LCOR: variants seen among roughly 807,000 people sequenced by gnomAD.
LCOR encodes ligand dependent nuclear receptor corepressor, also known as ligand-dependent corepressor.
A neutral mutation model predicts 64.4 loss-of-function variants in LCOR; 14 were observed. The observed-to-expected ratio is 0.22, with a 90% CI of 0.14 to 0.34. The LOEUF (loss-of-function observed/expected upper bound fraction) is 0.34, where lower values mean the gene tolerates loss of function less well. Among genes scored for constraint, LCOR ranks in the 10% least tolerant of loss-of-function variants. The pLI is 1.00. For missense variants in LCOR, 1,686 were observed against 1,765.3 expected (o/e 0.96, Z 0.80); for synonymous variants, 643 against 642.5 (o/e 1.00, Z -0.01).
At chr10:96,967,395 G>C (rs1425514355) in intron 7 of LCOR, among the ~76,000 whole-genome samples, 5 of 152,206 alleles carry the variant, frequency 3.3e-5, no homozygotes, top group African/African-American at 1.2e-4. Context: ...GCCTCCCAAA[G>C]TGCTGGGATT....
chr10:96,833,108 C>T (rs2134352813), intron 1 of LCOR: 3 of 985,630 alleles, frequency 3.0e-6, no homozygotes, highest in East Asian at 1.1e-4. Context: ...TAATCCTCGA[C>T]GCACGGGTCG....
rs868027615 is a variant in LCOR, at chr10:96,984,752, C to G, written c.4292C>G (p.Thr1431Ser). ...AAGCATGCTGATGGAGCCACCAAAA[C>G]CCCTGCTGCCAAGAGGCCAGCTGCA... ...KEKHADGATKTPAAKRPAARD... is the reference protein window; with the variant it reads ...KEKHADGATKSPAAKRPAARD... The change falls in exon 8 of 8, where the codon ACC becomes AGC. Residue 1431 changes from threonine (T) to serine (S), a missense_variant. Thr to Ser is a moderately conservative substitution (Grantham distance 58, BLOSUM62 1). Transcript: ENST00000421806. The G allele has an allele frequency of 6.2e-7, 1 of 1,613,720 alleles. No individual in the cohort carries two copies. Among genetic ancestry groups the G allele is most frequent in the African/African-American group, 1.3e-5 (1 of 74,948 alleles).
intron 7 of LCOR, chr10:96,955,234 G>A (rs1249932809): frequency 2.5e-6 from 4 of 1,614,170 alleles, no homozygotes; most frequent in Non-Finnish European, 3.4e-6. Context: ...TTCAACCTCA[G>A]CCGTATGAAG....
intron 7 of LCOR, among the ~76,000 whole-genome samples, chr10:96,966,669 C>G (rs946323838): frequency 6.6e-6 from 1 of 152,110 alleles, no homozygotes; most frequent in Middle Eastern, 3.2e-3. Flanking sequence ...TGTTATATTT[C>G]ACTTTATTTG....
intron 4 of LCOR, among the ~76,000 whole-genome samples, chr10:96,917,855 G>A (rs186872493): frequency 6.6e-6 from 1 of 152,306 alleles, no homozygotes; most frequent in East Asian, 1.9e-4. Flanking sequence ...CATCCCAGAT[G>A]GCTTGGCATG....
At chr10:96,938,018 CATGGCTCACT>C (rs1847382357) in intron 4 of LCOR, among the ~76,000 whole-genome samples, 1 of 152,246 alleles carries the variant, frequency 6.6e-6, no homozygotes, top group Admixed American at 6.5e-5. Flanking sequence ...GTGGCACAAT[CATGGCTCACT>C]GCAGCCTTGA....
rs1848124342 is a variant in LCOR at position 96,984,256 on chromosome 10, G to A, written c.3796G>A (p.Asp1266Asn). Residue 1266 changes from aspartate (D) to asparagine (N), a missense_variant, in exon 8 of 8, where the codon GAT (aspartate) becomes AAT (asparagine). Coordinates refer to ENST00000421806, the MANE Select transcript of LCOR (RefSeq NM_001346516.2). ...KLWAKFRENP[D>N]QVEPEDGSDV... ...CTGGGCCAAATTTCGAGAGAATCCT[G>A]ATCAAGTGGAGCCAGAAGATGGCAG... 2 of 1,614,028 alleles carry A rather than the reference G, an allele frequency of 1.2e-6. No individual in the cohort carries two copies.
rs1025421314 is a variant in LCOR at position 96,990,087 on chromosome 10, G to T, written c.*4953G>T. Reference sequence around the variant, plus strand: ...CCTAGCAGTAAGTGCTATTCCCCATGCTTGCTCTCAAATCCTTTTCAGGGG... The same window carrying T: ...CCTAGCAGTAAGTGCTATTCCCCATTCTTGCTCTCAAATCCTTTTCAGGGG... On this transcript the variant is annotated 3_prime_UTR_variant, in exon 8 of 8. Coordinates refer to ENST00000421806, the MANE Select transcript of LCOR (RefSeq NM_001346516.2). The T allele has an allele frequency of 1.3e-5, 2 of 151,912 alleles. No homozygotes were observed. Among genetic ancestry groups the T allele is most frequent in the African/African-American group, 4.8e-5 (2 of 41,324 alleles). The allele number at this position is 151,912 out of a possible 1,614,324, so 9.4% of individuals were successfully genotyped here. A position where few individuals can be genotyped will look rare whatever the true frequency, so the allele number is the denominator to read the frequency against.
chr10:96,900,513 G>A (rs1251355260), intron 2 of LCOR, among the ~76,000 whole-genome samples: 3 of 151,478 alleles, frequency 2.0e-5, no homozygotes, highest in Admixed American at 2.0e-4. Flanking sequence ...AGTCAAAGTA[G>A]GTTTTTAAAA....
chr10:96,836,024 T>G (rs954509699), intron 2 of LCOR, among the ~76,000 whole-genome samples: 3 of 152,214 alleles, frequency 2.0e-5, no homozygotes, highest in Non-Finnish European at 4.4e-5. Context: ...CCTTGCTGTA[T>G]TTTCAAGAAG....
At chr10:96,936,375 GA>G (rs1450512658) in intron 4 of LCOR, among the ~76,000 whole-genome samples, 1 of 152,122 alleles carries the variant, frequency 6.6e-6, no homozygotes, top group Non-Finnish European at 1.5e-5. Context: ...CAGAAAGAGA[GA>G]AATAATAAAG....
chr10:96,976,452 C>T (rs1848040884), intron 7 of LCOR, among the ~76,000 whole-genome samples: 1 of 152,292 alleles, frequency 6.6e-6, no homozygotes, highest in South Asian at 2.1e-4. Flanking sequence ...ACACCACCGC[C>T]TCTTGCCATG....
intron 4 of LCOR, among the ~76,000 whole-genome samples, chr10:96,938,636 C>T (rs1847394069): frequency 6.6e-6 from 1 of 151,890 alleles, no homozygotes; most frequent in Non-Finnish European, 1.5e-5. Flanking sequence ...TATAGAAAAT[C>T]CCAAGAAATT....
rs1337956898 is a variant in LCOR, at chr10:96,982,932, T to G, written c.2472T>G (p.Ser824=). Residue 824 remains serine (S), a synonymous_variant, in exon 8 of 8, where the codon TCT becomes TCG. Coordinates refer to ENST00000421806, the MANE Select transcript of LCOR (RefSeq NM_001346516.2). ...DRCLRSQLSD[S]SSADRCLRNQ... ...GCCTAAGAAGTCAACTTTCGGATTCTTCCTCTGCTGACAGATGCCTAAGAA... is the reference window on the plus strand; with the variant it reads ...GCCTAAGAAGTCAACTTTCGGATTCGTCCTCTGCTGACAGATGCCTAAGAA... 2 of 1,613,564 alleles carry G rather than the reference T, an allele frequency of 1.2e-6. No homozygotes were observed. Among genetic ancestry groups the G allele is most frequent in the Admixed American group, 1.7e-5 (1 of 59,890 alleles).
Position 96,985,445 on chromosome 10 carries a change from AAAAAGCTGATCTATGTG to A in LCOR, c.*313_*329del. 8.8e-6 allele frequency: 2 copies of A among 227,078 alleles called. No homozygotes were observed. Among genetic ancestry groups the A allele is most frequent in the Non-Finnish European group, 9.3e-6 (1 of 107,830 alleles). 14.1% of individuals were successfully genotyped at this position (227,078 alleles called of 1,614,324 possible). A position where few individuals can be genotyped will look rare whatever the true frequency, so the allele number is the denominator to read the frequency against. ...TTTTGTTTTTAAATTTACAAAAGCT[AAAAAGCTGATCTATGTG>A]ATTAAAGGCTTGTATTTTATACTTG... On this transcript the variant is annotated 3_prime_UTR_variant, in exon 8 of 8. Transcript: ENST00000421806.
intron 4 of LCOR, 22 bp downstream of exon 4, chr10:96,907,769 CT>C: frequency 1.2e-6 from 1 of 827,266 alleles, no homozygotes; most frequent in Non-Finnish European, 1.5e-6. Context: ...GCCTGTGAAA[CT>C]TTTATTTAGT....
chr10:96,929,003 C>T (rs1847213122), intron 4 of LCOR, among the ~76,000 whole-genome samples: 1 of 152,042 alleles, frequency 6.6e-6, no homozygotes. Context: ...TTCAGTAAAC[C>T]ATAATATAAA....
At chr10:96,942,817 TCTTA>T (rs568196859) in intron 4 of LCOR, among the ~76,000 whole-genome samples, 440 of 152,350 alleles carry the variant, frequency 2.9e-3, no homozygotes, top group Non-Finnish European at 4.2e-3. Flanking sequence ...TGTCCCATTT[TCTTA>T]CTTAGAACAC....
At chr10:96,849,964 GA>G (rs1845698899) in intron 2 of LCOR, among the ~76,000 whole-genome samples, 1 of 148,168 alleles carries the variant, frequency 6.7e-6, no homozygotes, top group Non-Finnish European at 1.5e-5. Context: ...AAACAAATAA[GA>G]AAAAGGGAAA....
Sources: gnomAD v4.1 joint callset for allele counts (sites outside exome capture counted in the v4.1 genomes callset) on GRCh38, gnomAD v4.1.1 for gene constraint, MANE v1.5 for transcripts, NCBI Gene and HGNC (gene_info 2026-07-23, HGNC 2026-07-21) for gene names.